The following DNAH8 variants were observed in gnomAD, a reference collection of about 807,000 sequenced individuals.
DNAH8 encodes axonemal beta dynein heavy chain 8.
DNAH8 carries 382 observed loss-of-function variants against 562.1 expected under a neutral mutation model. That is an observed-to-expected ratio of 0.68 (90% CI 0.63 to 0.74). The LOEUF (loss-of-function observed/expected upper bound fraction) is 0.74, where lower values mean the gene tolerates loss of function less well. Among genes scored for constraint, DNAH8 ranks in the 30% least tolerant of loss-of-function variants. The probability of loss-of-function intolerance (pLI) is 0.00; values close to 1 mark genes in which losing one functional copy is unlikely to be tolerated. For synonymous variants in DNAH8, 1,881 were observed against 1,919.4 expected, an observed-to-expected ratio of 0.98 and a Z score of 0.52; for missense variants, 5,203 against 5,620.4, an observed-to-expected ratio of 0.93 and a Z score of 2.37.
Position 38,896,605 on chromosome 6 carries a change from AC to A in DNAH8, c.8940+381del, listed in dbSNP as rs201443524. 7.3e-4 allele frequency among the ~76,000 whole-genome samples: 111 copies of A among 151,708 alleles called. 1 individual carries two copies. The highest frequency in any genetic ancestry group is 3.3e-3 in the South Asian group (16 of 4,794). ...AACAAACAAACAAACAAACAAACAAACAAAAAAACAAAAAAGAGAGAGAGAG... is the reference window on the plus strand; with the variant it reads ...AACAAACAAACAAACAAACAAACAAAAAAAAAACAAAAAAGAGAGAGAGAG... On this transcript the variant is annotated intron_variant, in intron 60 of 92. Coordinates refer to ENST00000327475, the MANE Select transcript of DNAH8 (RefSeq NM_001206927.2).
At chr6:39,020,034 G>A (rs1766810428) in intron 91 of DNAH8, among the ~76,000 whole-genome samples, 2 of 152,190 alleles carry the variant, frequency 1.3e-5, no homozygotes, top group Admixed American at 6.5e-5. Context: ...AGAGAGGGGA[G>A]AAGTGGGAGG....
In DNAH8 at chr6:38,715,921, AATAAATATATATAT is replaced by A. The variant is rs1280702129; in HGVS notation, c.-35+510_-35+523del. Among the ~76,000 whole-genome samples, 9 of 43,430 alleles carry A rather than the reference AATAAATATATATAT, an allele frequency of 2.1e-4. 1 individual carries two copies. The highest frequency in any genetic ancestry group is 1.2e-3 in the African/African-American group (9 of 7,296). 28.5% of individuals were successfully genotyped at this position (43,430 alleles called of 152,430 possible). On this transcript the variant is annotated intron_variant, in intron 1 of 92. Coordinates refer to ENST00000327475, the MANE Select transcript of DNAH8 (RefSeq NM_001206927.2). ...AGCTATTAAAATAAATAAATAAATA[AATAAATATATATAT>A]ATATATATATATATATATATATATA... is the stretch of plus-strand genomic sequence containing the variant.
chr6:38,924,163 G>GTA lies in DNAH8; in HGVS notation c.10962+2_10962+3dup. 6.2e-7 allele frequency: 1 copy of GTA among 1,612,238 alleles called. No individual in the cohort carries two copies. The highest frequency in any genetic ancestry group is 1.1e-5 in the South Asian group (1 of 90,968). On this transcript the variant is annotated splice_donor_variant, in intron 73 of 92. Coordinates refer to ENST00000327475, the MANE Select transcript of DNAH8 (RefSeq NM_001206927.2). LOFTEE classifies it high-confidence loss of function. ...TTCAATGTTGGTGGATCCTCCAACT[G>GTA]TAAGTTTTACTTTCCCAATGTTATT...
chr6:39,027,386 G>A (rs1166053884), intron 92 of DNAH8, among the ~76,000 whole-genome samples: 1 of 152,228 alleles, frequency 6.6e-6, no homozygotes, highest in Non-Finnish European at 1.5e-5. Context: ...TTCCAGGGGT[G>A]TCCCCTTTGA....
chr6:38,798,073 CAA>C (rs35561819), intron 21 of DNAH8, among the ~76,000 whole-genome samples: 3 of 126,144 alleles, frequency 2.4e-5, no homozygotes, highest in South Asian at 2.6e-4. Flanking sequence ...GACTCCGTCT[CAA>C]AAAAAAAAAA....
Position 38,876,295 on chromosome 6 carries a change from G to A in DNAH8, c.7858+467G>A, listed in dbSNP as rs764867785. 2.6e-5 allele frequency among the ~76,000 whole-genome samples: 4 copies of A among 152,122 alleles called. 1 individual carries two copies. Among genetic ancestry groups the A allele is most frequent in the African/African-American group, 2.4e-5 (1 of 41,422 alleles). ...GCCCCCCAGCCTTCCATGTATGGCC[G>A]GGCCCAGCTCACTGCTCCTTAAAAG... On this transcript the variant is annotated intron_variant, in intron 53 of 92. Coordinates refer to ENST00000327475, the MANE Select transcript of DNAH8 (RefSeq NM_001206927.2).
At chr6:39,011,769 T>C (rs576925875) in intron 89 of DNAH8, among the ~76,000 whole-genome samples, 3 of 152,352 alleles carry the variant, frequency 2.0e-5, no homozygotes, top group African/African-American at 7.2e-5. Flanking sequence ...TAATCATATT[T>C]GTTGGTAACT....
chr6:38,778,051 ACT>A (rs1268332861), intron 13 of DNAH8, among the ~76,000 whole-genome samples: 1 of 151,980 alleles, frequency 6.6e-6, no homozygotes, highest in Non-Finnish European at 1.5e-5. Flanking sequence ...TTTAATAAAG[ACT>A]CTATTCAACC....
intron 9 of DNAH8, among the ~76,000 whole-genome samples, chr6:38,751,713 T>A (rs1314590032): frequency 6.6e-6 from 1 of 152,188 alleles, no homozygotes; most frequent in Non-Finnish European, 1.5e-5. Context: ...TATAATCTGG[T>A]ATTTCATAAT....
At chr6:38,790,155 CT>C in intron 19 of DNAH8, 133 bp from the exon 20 acceptor site, 1 of 703,270 alleles carries the variant, frequency 1.4e-6, no homozygotes, top group East Asian at 2.7e-5. Context: ...AAAAAGTCAT[CT>C]TTATTAGGTG....
intron 62 of DNAH8, among the ~76,000 whole-genome samples, chr6:38,900,351 G>C (rs1469395239): frequency 2.0e-5 from 3 of 152,192 alleles, no homozygotes; most frequent in Non-Finnish European, 4.4e-5. Context: ...AACTTAATCA[G>C]ATACTACCAC....
At chr6:38,929,376 T>G in intron 74 of DNAH8, 135 bp from the exon 75 acceptor site, 1 of 887,022 alleles carries the variant, frequency 1.1e-6, no homozygotes, top group Non-Finnish European at 1.6e-6. Context: ...TGTATGTTAC[T>G]TTAATTTTTT....
At position 38,805,979 on chromosome 6, in the gene DNAH8, G is replaced by A. The variant is rs114999278; in HGVS notation, c.3150+383G>A. Reference sequence around the variant, plus strand: ...TGCAAGTCCAGATTGTGGTTCACTTGGGGCTCAGGGATCTGCATTTTAAAC... The same window carrying A: ...TGCAAGTCCAGATTGTGGTTCACTTAGGGCTCAGGGATCTGCATTTTAAAC... On this transcript the variant is annotated intron_variant, in intron 23 of 92. Coordinates refer to ENST00000327475, the MANE Select transcript of DNAH8 (RefSeq NM_001206927.2). Among the ~76,000 whole-genome samples, 420 of 152,284 alleles carry A rather than the reference G, an allele frequency of 2.8e-3. 2 individuals are homozygous for A. The highest frequency in any genetic ancestry group is 9.8e-3 in the African/African-American group (407 of 41,558).
At chr6:38,807,075 A>G (rs964590539) in intron 23 of DNAH8, among the ~76,000 whole-genome samples, 5 of 152,158 alleles carry the variant, frequency 3.3e-5, no homozygotes, top group African/African-American at 9.7e-5. Flanking sequence ...CTGTGCTCTG[A>G]TCAATAAACT....
rs1432396884 is a variant in DNAH8 at position 38,887,020 on chromosome 6, G to A, written c.8473+16G>A. On this transcript the variant is annotated intron_variant, in intron 57 of 92. Transcript: ENST00000327475. Reference sequence around the variant, plus strand: ...AAAATTTTTGGTATGAATATTCTTAGCGTTTATTTTATTGCATTACATAAT... The same window carrying A: ...AAAATTTTTGGTATGAATATTCTTAACGTTTATTTTATTGCATTACATAAT... The A allele has an allele frequency of 1.3e-6, 2 of 1,546,884 alleles. No homozygotes were observed. Among genetic ancestry groups the A allele is most frequent in the Non-Finnish European group, 8.9e-7 (1 of 1,120,070 alleles).
intron 75 of DNAH8, among the ~76,000 whole-genome samples, chr6:38,930,949 CT>C (rs1246226014): frequency 6.6e-6 from 1 of 152,098 alleles, no homozygotes; most frequent in Non-Finnish European, 1.5e-5. Context: ...CTGTTCTATT[CT>C]CTGCTTCTAT....
intron 26 of DNAH8, among the ~76,000 whole-genome samples, chr6:38,817,358 A>G (rs1332519395): frequency 1.3e-5 from 2 of 152,164 alleles, no homozygotes; most frequent in East Asian, 3.9e-4. Flanking sequence ...AACAAAAAAC[A>G]AAAACACCCC....
chr6:38,951,210 A>C, intron 81 of DNAH8, 108 bp from the exon 82 acceptor site: 2 of 912,890 alleles, frequency 2.2e-6, no homozygotes, highest in Non-Finnish European at 3.5e-6. Flanking sequence ...GAAAAGTAGG[A>C]ATTAACTTGT....
chr6:39,016,237 A>T (rs1452696447), intron 91 of DNAH8, among the ~76,000 whole-genome samples: 1 of 150,148 alleles, frequency 6.7e-6, no homozygotes, highest in Non-Finnish European at 1.5e-5. Context: ...CAAAACATTT[A>T]AGTAAATGGC....
Sources: gnomAD v4.1 joint callset for allele counts (sites outside exome capture counted in the v4.1 genomes callset) on GRCh38, gnomAD v4.1.1 for gene constraint, MANE v1.5 for transcripts, NCBI Gene and HGNC (gene_info 2026-07-23, HGNC 2026-07-21) for gene names.